N4BP3: variants seen among roughly 807,000 people sequenced by gnomAD.
The protein encoded by N4BP3 is NEDD4 binding protein 3.
A neutral mutation model predicts 43.8 loss-of-function variants in N4BP3; 33 were observed. The observed-to-expected ratio is 0.75, with a 90% confidence interval of 0.57 to 1.01. The LOEUF is 1.01. Among genes scored for constraint, N4BP3 ranks in the 50% least tolerant of loss-of-function variants. The probability of loss-of-function intolerance (pLI) is 0.00; values close to 1 mark genes in which losing one functional copy is unlikely to be tolerated. For synonymous variants in N4BP3, 326 were observed against 321.9 expected, an observed-to-expected ratio of 1.01 and a Z score of -0.14; for missense variants, 756 against 744.2, an observed-to-expected ratio of 1.02 and a Z score of -0.18.
rs1264042421 is a variant in N4BP3 at position 178,125,424 on chromosome 5, A to C, written c.*3423A>C. The C allele has an allele frequency of 6.6e-6, 1 of 152,602 alleles. No homozygotes were observed. Among genetic ancestry groups the C allele is most frequent in the South Asian group, 2.1e-4 (1 of 4,830 alleles). The allele number at this position is 152,602 out of a possible 1,614,324, so 9.5% of individuals were successfully genotyped here. A position where few individuals can be genotyped will look rare whatever the true frequency, so the allele number is the denominator to read the frequency against. On this transcript the variant is annotated 3_prime_UTR_variant, in exon 5 of 5. Coordinates refer to ENST00000274605, the MANE Select transcript of N4BP3 (RefSeq NM_015111.2). The stretch of plus-strand genomic sequence containing the variant: ...TGGGTCAGCAGAGCATGGAGCAGGC[A>C]GAGGAAGCCTATCTGTGGGGCTGGG...
rs1757822809 is a variant in N4BP3 at position 178,118,432 on chromosome 5, GC to G, written c.-30-1120del. On this transcript the variant is annotated intron_variant, in intron 1 of 4. Transcript: ENST00000274605. This position sits in a 1 kb window ranked among gnomAD's most constrained non-coding sequence, Gnocchi z 5.4. ...CAGGCTCACTGAGGTTAGTGGCTTG[GC>G]CGGGGTCACACACCGATTGGTTCCG... Among the ~76,000 whole-genome samples, 1 of 152,194 alleles carries G rather than the reference GC, an allele frequency of 6.6e-6. No homozygotes were observed. The highest frequency in any genetic ancestry group is 2.1e-4 in the South Asian group (1 of 4,832).
Position 178,118,536 on chromosome 5 carries a change from C to T in N4BP3, c.-30-1018C>T, listed in dbSNP as rs1757826499. 6.6e-6 allele frequency among the ~76,000 whole-genome samples: 1 copy of T among 152,248 alleles called. No homozygotes were observed. Among genetic ancestry groups the T allele is most frequent in the South Asian group, 2.1e-4 (1 of 4,826 alleles). ...AGCATATACAGGGGCTGGAGTGAGT[C>T]CAGCTGCCCCTTCCCTCCTCCACCC... On this transcript the variant is annotated intron_variant, in intron 1 of 4. Transcript: ENST00000274605. The surrounding 1 kb of genome is among the most constrained non-coding windows in gnomAD (Gnocchi z 5.4).
chr5:178,120,428 G>C lies in N4BP3; in HGVS notation c.581G>C (p.Gly194Ala). ...PEPSLSDSSSGGSFGRSPGTG... is the reference protein window; with the variant it reads ...PEPSLSDSSSAGSFGRSPGTG... ...CCCAGCCTGTCCGACTCCTCCAGTG[G>C]GGGTAGTTTTGGTCGCAGTCCTGGT... Residue 194 changes from glycine (G) to alanine (A), a missense_variant, in exon 3 of 5, where the codon GGG becomes GCG. Physicochemically the swap from Gly to Ala is moderately conservative, Grantham distance 60. Transcript: ENST00000274605. The C allele has an allele frequency of 6.2e-7, 1 of 1,613,020 alleles. No individual in the cohort carries two copies. Among genetic ancestry groups the C allele is most frequent in the South Asian group, 1.1e-5 (1 of 91,086 alleles).
chr5:178,122,337 T>C lies in N4BP3; in HGVS notation c.*336T>C. The C allele has an allele frequency of 3.9e-6, 1 of 254,350 alleles. No homozygotes were observed. The highest frequency in any genetic ancestry group is 2.2e-5 in the African/African-American group (1 of 45,054). The allele number at this position is 254,350 out of a possible 1,614,324, so 15.8% of individuals were successfully genotyped here. On this transcript the variant is annotated 3_prime_UTR_variant, in exon 5 of 5. Transcript: ENST00000274605. ...GAGGCTGGAGACCTGGGCTGGGGCCTTCCTCCAGGGAAGGAGGCTGGGGTG... is the reference window on the plus strand; with the variant it reads ...GAGGCTGGAGACCTGGGCTGGGGCCCTCCTCCAGGGAAGGAGGCTGGGGTG...
Position 178,122,107 on chromosome 5 carries a change from C to G in N4BP3, c.*106C>G. 1 of 1,379,954 alleles carries G rather than the reference C, an allele frequency of 7.2e-7. No individual in the cohort carries two copies. 85.5% of individuals were successfully genotyped at this position (1,379,954 alleles called of 1,614,324 possible). A position where few individuals can be genotyped will look rare whatever the true frequency, so the allele number is the denominator to read the frequency against. On this transcript the variant is annotated 3_prime_UTR_variant, in exon 5 of 5. Coordinates refer to ENST00000274605, the MANE Select transcript of N4BP3 (RefSeq NM_015111.2). ...TGGGGTGGAACCTGCAGAGGCCAGCCCGGGGCTGGGGAGGCGCAAGGAGAG... is the reference window on the plus strand; with the variant it reads ...TGGGGTGGAACCTGCAGAGGCCAGCGCGGGGCTGGGGAGGCGCAAGGAGAG...
intron 1 of N4BP3, among the ~76,000 whole-genome samples, chr5:178,119,115 T>C (rs1026362669): frequency 6.6e-6 from 1 of 152,124 alleles, no homozygotes; most frequent in Non-Finnish European, 1.5e-5. Context: ...CTGCCTGCCT[T>C]AGCCTCCCAA....
Position 178,121,150 on chromosome 5 carries a change from T to G in N4BP3, c.905T>G (p.Val302Gly), listed in dbSNP as rs760564906. 4 of 1,600,280 alleles carry G rather than the reference T, an allele frequency of 2.5e-6. No individual in the cohort carries two copies. Among genetic ancestry groups the G allele is most frequent in the Non-Finnish European group, 3.4e-6 (4 of 1,178,792 alleles). The change falls in exon 4 of 5, where the codon GTG becomes GGG. Residue 302 changes from valine to glycine, a missense_variant. Val to Gly is a moderately radical substitution (Grantham distance 109, BLOSUM62 -3). Transcript: ENST00000274605. ...CTGGCTGAGCTGAAGCGCCTGTATG[T>G]GGAGCGGCTGCACGAGGTGACCCAG... ...LWLAELKRLY[V>G]ERLHEVTQKA... is the part of the protein sequence containing the mutation.
chr5:178,114,443 T>C (rs1757724147), intron 1 of N4BP3, among the ~76,000 whole-genome samples: 1 of 152,122 alleles, frequency 6.6e-6, no homozygotes, highest in African/African-American at 2.4e-5. Flanking sequence ...GAGCACCCGG[T>C]CCAGTCCCGG....
At chr5:178,119,967 G>T in intron 2 of N4BP3, 54 bp downstream of exon 2, 1 of 1,531,932 alleles carries the variant, frequency 6.5e-7, no homozygotes, top group South Asian at 1.2e-5. Flanking sequence ...GGTCTCCTTG[G>T]AGACCCTGAT....
At position 178,121,631 on chromosome 5, in the gene N4BP3, TGC is replaced by T. The variant is rs1757927323; in HGVS notation, c.1269_1270del (p.Glu424GlyfsTer19). On this transcript the variant is annotated frameshift_variant, in exon 5 of 5. Transcript: ENST00000274605. LOFTEE classifies it high-confidence loss of function. ...GCTCAGGACGCAGAGCTGGTCCGGC[TGC>T]GCGAGGCTGTGCGCAGCCTGCAGGA... The T allele has an allele frequency of 6.2e-7, 1 of 1,612,594 alleles. No homozygotes were observed. Among genetic ancestry groups the T allele is most frequent in the Non-Finnish European group, 8.5e-7 (1 of 1,179,854 alleles).
At position 178,118,681 on chromosome 5, in the gene N4BP3, C is replaced by G. The variant is rs1230872129; in HGVS notation, c.-30-873C>G. On this transcript the variant is annotated intron_variant, in intron 1 of 4. Transcript: ENST00000274605. The surrounding 1 kb of genome is among the most constrained non-coding windows in gnomAD (Gnocchi z 5.4). ...CACTGTAGCCCCCAACCCTCCCCCC[C>G]ATGCCAGATGTTTCCCTTGGGGAGC... Among the ~76,000 whole-genome samples the G allele has an allele frequency of 2.0e-5, 3 of 152,094 alleles. No individual in the cohort carries two copies. Among genetic ancestry groups the G allele is most frequent in the African/African-American group, 7.2e-5 (3 of 41,424 alleles).
At chr5:178,114,622 A>C (rs1305277856) in intron 1 of N4BP3, among the ~76,000 whole-genome samples, 1 of 152,226 alleles carries the variant, frequency 6.6e-6, no homozygotes, top group Non-Finnish European at 1.5e-5. Flanking sequence ...GAGCGGACGC[A>C]GGAGGCCATC....
Position 178,118,330 on chromosome 5 carries a change from T to C in N4BP3, c.-30-1224T>C, listed in dbSNP as rs1757819998. ...GGCCCAGGCCCTGAACTGGGTGCTC[T>C]GTCATGTTATCCCACCCCATCCTCC... On this transcript the variant is annotated intron_variant, in intron 1 of 4. Transcript: ENST00000274605. This position sits in a 1 kb window ranked among gnomAD's most constrained non-coding sequence, Gnocchi z 5.4. Among the ~76,000 whole-genome samples, 1 of 152,192 alleles carries C rather than the reference T, an allele frequency of 6.6e-6. No individual in the cohort carries two copies. Among genetic ancestry groups the C allele is most frequent in the South Asian group, 2.1e-4 (1 of 4,832 alleles).
In N4BP3 at chr5:178,121,063, AG is replaced by A. The variant is rs1186217314; in HGVS notation, c.853-32del. Reference sequence around the variant, plus strand: ...GAGCTCTGAGTCGCCTCTAGGGGGCAGGGCCACGGTGGATGCATCTCTTCCC... The same window carrying A: ...GAGCTCTGAGTCGCCTCTAGGGGGCAGGCCACGGTGGATGCATCTCTTCCC... On this transcript the variant is annotated intron_variant, in intron 3 of 4. Transcript: ENST00000274605. 1.9e-6 allele frequency: 3 copies of A among 1,585,520 alleles called. No homozygotes were observed. In the African/African-American group the frequency reaches 4.0e-5, roughly 21 times the overall value.
At position 178,121,233 on chromosome 5, in the gene N4BP3, C is replaced by T. The variant is rs1448012792; in HGVS notation, c.988C>T (p.Gln330Ter). Reference protein sequence around the residue: ...QLQLFMAQQEQRRLRKELRAQ... With the variant: ...QLQLFMAQQE The stretch of plus-strand genomic sequence containing the variant: ...GCAGCTGTTTATGGCTCAGCAGGAG[C>T]AGCGGCGCCTGCGCAAGGAGCTGCG... The change falls in exon 4 of 5, where the codon CAG becomes TAG. Residue 330 changes from glutamine (Q) to a stop codon, truncating the protein, a stop_gained. Coordinates refer to ENST00000274605, the MANE Select transcript of N4BP3 (RefSeq NM_015111.2). LOFTEE classifies it high-confidence loss of function. The T allele has an allele frequency of 6.2e-7, 1 of 1,603,554 alleles. No individual in the cohort carries two copies. Among genetic ancestry groups the T allele is most frequent in the Non-Finnish European group, 8.5e-7 (1 of 1,176,330 alleles).
At position 178,120,219 on chromosome 5, in the gene N4BP3, C is replaced by A; in HGVS notation, c.372C>A (p.Asn124Lys). ...RPSVFKPTAG[N>K]GKGFLSMQSL... ...CAGTGTTCAAGCCTACGGCGGGCAACGGGAAAGGCTTCCTATCCATGCAAA... is the reference window on the plus strand; with the variant it reads ...CAGTGTTCAAGCCTACGGCGGGCAAAGGGAAAGGCTTCCTATCCATGCAAA... Residue 124 changes from asparagine (N) to lysine (K), a missense_variant, in exon 3 of 5, where the codon AAC (asparagine) becomes AAA (lysine). Asn to Lys is a moderately conservative substitution (Grantham distance 94, BLOSUM62 0). Coordinates refer to ENST00000274605, the MANE Select transcript of N4BP3 (RefSeq NM_015111.2). 1 of 1,592,228 alleles carries A rather than the reference C, an allele frequency of 6.3e-7. No individual in the cohort carries two copies. Among genetic ancestry groups the A allele is most frequent in the South Asian group, 1.1e-5 (1 of 89,608 alleles).
intron 1 of N4BP3, among the ~76,000 whole-genome samples, chr5:178,114,212 C>T: frequency 6.6e-6 from 1 of 152,242 alleles, no homozygotes; most frequent in Non-Finnish European, 1.5e-5. Flanking sequence ...CCCCGCCCCC[C>T]AGGTAGCTCC....
At chr5:178,115,750 C>A (rs1345775442) in intron 1 of N4BP3, among the ~76,000 whole-genome samples, 1 of 152,200 alleles carries the variant, frequency 6.6e-6, no homozygotes, top group African/African-American at 2.4e-5. Flanking sequence ...CTCTGGGACG[C>A]CCCCCTCAAA....
Position 178,119,801 on chromosome 5 carries a change from A to G in N4BP3, c.218A>G (p.Lys73Arg). 1.9e-6 allele frequency: 3 copies of G among 1,613,416 alleles called. No homozygotes were observed. Among genetic ancestry groups the G allele is most frequent in the Middle Eastern group, 1.7e-4 (1 of 6,060 alleles). The change falls in exon 2 of 5, where the codon AAG becomes AGG. Residue 73 changes from lysine to arginine, a missense_variant. By Grantham distance (26) the Lys-to-Arg change is conservative. Coordinates refer to ENST00000274605, the MANE Select transcript of N4BP3 (RefSeq NM_015111.2). ...GACAGCAAGAGCACCAAGAACACCAAGCGGGCCCCTCGGAACGAGCCTGCC... is the reference window on the plus strand; with the variant it reads ...GACAGCAAGAGCACCAAGAACACCAGGCGGGCCCCTCGGAACGAGCCTGCC... The part of the protein sequence containing the change: ...KKDSKSTKNT[K>R]RAPRNEPADY...
Sources: allele counts gnomAD v4.1 joint callset (sites outside exome capture counted in the v4.1 genomes callset), GRCh38; gene constraint gnomAD v4.1.1; non-coding constraint Gnocchi (gnomAD v3.1); transcripts MANE v1.5; gene names NCBI Gene and HGNC (gene_info 2026-07-23, HGNC 2026-07-21).